Variants in FMN1 observed in about 807,000 individuals in gnomAD.
FMN1 encodes the protein formin-1.
FMN1 carries 110 observed loss-of-function variants against 132.4 expected under a neutral mutation model. That is an observed-to-expected ratio of 0.83 (90% confidence interval 0.71 to 0.97). The LOEUF (loss-of-function observed/expected upper bound fraction) is 0.97. Among genes scored for constraint, FMN1 ranks in the 50% least tolerant of loss-of-function variants. FMN1 has a pLI of 0.00. For missense variants in FMN1, 1,792 were observed against 1,705.3 expected, an observed-to-expected ratio of 1.05 and a Z score of -0.90; for synonymous variants, 722 against 651.7, an observed-to-expected ratio of 1.11 and a Z score of -1.64.
chr15:32,798,684 A>G, intron 19 of FMN1, 120 bp downstream of exon 19: 1 of 950,602 alleles, frequency 1.1e-6, no homozygotes, highest in South Asian at 1.9e-5. Context: ...TCCTTCCCCT[A>G]TGACCACTTC....
At chr15:33,049,053 G>A (rs1022619953) in intron 6 of FMN1, among the ~76,000 whole-genome samples, 7 of 152,172 alleles carry the variant, frequency 4.6e-5, no homozygotes, top group African/African-American at 9.7e-5. Flanking sequence ...TAAAGCTAAA[G>A]GTTTCAACAA....
At chr15:32,799,501 G>A (rs1197710946) in intron 18 of FMN1, among the ~76,000 whole-genome samples, 1 of 152,202 alleles carries the variant, frequency 6.6e-6, no homozygotes, top group African/African-American at 2.4e-5. Context: ...AATAAGAGAT[G>A]TAGATGATAT....
chr15:33,001,274 ACTCC>A (rs2034087800), intron 7 of FMN1, among the ~76,000 whole-genome samples: 1 of 151,646 alleles, frequency 6.6e-6, no homozygotes, highest in Non-Finnish European at 1.5e-5. Flanking sequence ...CAAGAGTAAG[ACTCC>A]GTCTCAAAAA....
At chr15:33,147,181 A>G (rs1964259578) in intron 4 of FMN1, among the ~76,000 whole-genome samples, 1 of 151,810 alleles carries the variant, frequency 6.6e-6, no homozygotes, top group Admixed American at 6.6e-5. Context: ...AAAAAAAAAA[A>G]AGAAATAAAA....
At chr15:33,082,230 G>C (rs909519387) in intron 5 of FMN1, among the ~76,000 whole-genome samples, 1 of 151,790 alleles carries the variant, frequency 6.6e-6, no homozygotes, top group Admixed American at 6.6e-5. Context: ...CCACCGCCAC[G>C]GTCGGCTAAT....
At chr15:32,932,022 T>C (rs185553120) in intron 9 of FMN1, among the ~76,000 whole-genome samples, 1 of 152,376 alleles carries the variant, frequency 6.6e-6, no homozygotes. Context: ...TATTGATAAA[T>C]ATTCATATGT....
chr15:33,066,655 G>C (rs1387065187), intron 5 of FMN1: 1 of 1,613,822 alleles, frequency 6.2e-7, no homozygotes, highest in South Asian at 1.1e-5. Flanking sequence ...TGGGGGGCCG[G>C]ATGAATAGGG....
chr15:33,110,196 A>T (rs1229131907), intron 4 of FMN1, among the ~76,000 whole-genome samples: 1 of 152,092 alleles, frequency 6.6e-6, no homozygotes, highest in East Asian at 1.9e-4. Context: ...TACCTGTCAG[A>T]TTATTAGGAC....
At chr15:32,812,802 C>T (rs2057927918) in intron 17 of FMN1, among the ~76,000 whole-genome samples, 1 of 152,172 alleles carries the variant, frequency 6.6e-6, no homozygotes, top group South Asian at 2.1e-4. Context: ...GTGCTGTTTG[C>T]ATACAATAGA....
At chr15:33,190,838 C>T (rs1275346487) in intron 2 of FMN1, among the ~76,000 whole-genome samples, 1 of 152,148 alleles carries the variant, frequency 6.6e-6, no homozygotes, top group East Asian at 1.9e-4. Flanking sequence ...GCTACTTCTC[C>T]ATTAATGCCC....
At chr15:32,943,709 G>A (rs2061445481) in intron 9 of FMN1, among the ~76,000 whole-genome samples, 1 of 152,158 alleles carries the variant, frequency 6.6e-6, no homozygotes, top group South Asian at 2.1e-4. Flanking sequence ...TTATAAATTA[G>A]TATAGGGTCT....
chr15:32,876,103 C>T (rs2059630408), intron 16 of FMN1, among the ~76,000 whole-genome samples: 1 of 152,162 alleles, frequency 6.6e-6, no homozygotes, highest in African/African-American at 2.4e-5. Flanking sequence ...TGTTAATGAA[C>T]TTGCCAAATT....
At chr15:32,923,042 C>T (rs1040432585) in intron 10 of FMN1, among the ~76,000 whole-genome samples, 3 of 152,120 alleles carry the variant, frequency 2.0e-5, no homozygotes, top group African/African-American at 7.2e-5. Context: ...TACTGGCTTG[C>T]TGGTTTATAC....
intron 11 of FMN1, among the ~76,000 whole-genome samples, 179 bp from the exon 12 acceptor site, chr15:32,908,757 G>C (rs8026935): frequency 1.1e-3 from 165 of 152,160 alleles, no homozygotes; most frequent in African/African-American, 3.6e-3. Flanking sequence ...ACAAGAACTT[G>C]GGGTGTGGGT....
chr15:32,950,268 G>A (rs139985398), intron 9 of FMN1, among the ~76,000 whole-genome samples: 1 of 151,260 alleles, frequency 6.6e-6, no homozygotes. Flanking sequence ...TATTGTGAAA[G>A]ACAATGTGGC....
At chr15:32,828,464 C>T (rs758163719) in intron 17 of FMN1, among the ~76,000 whole-genome samples, 1 of 151,352 alleles carries the variant, frequency 6.6e-6, no homozygotes, top group Non-Finnish European at 1.5e-5. Context: ...ATTAATGGAG[C>T]TAATTGAAAT....
intron 17 of FMN1, among the ~76,000 whole-genome samples, chr15:32,842,171 G>C (rs1291824062): frequency 1.3e-5 from 2 of 152,150 alleles, no homozygotes; most frequent in African/African-American, 4.8e-5. Flanking sequence ...TCTTTTCCTT[G>C]GAACATTTGC....
At chr15:32,795,925 T>G (rs1281126806) in intron 19 of FMN1, among the ~76,000 whole-genome samples, 1 of 152,222 alleles carries the variant, frequency 6.6e-6, no homozygotes, top group East Asian at 1.9e-4. Flanking sequence ...AATCTCCAGG[T>G]AAACCATATT....
At chr15:32,817,418 T>C (rs966698901) in intron 17 of FMN1, among the ~76,000 whole-genome samples, 1 of 152,186 alleles carries the variant, frequency 6.6e-6, no homozygotes, top group African/African-American at 2.4e-5. Context: ...TTTCACTTGG[T>C]CAAGGGTTTG....
Sources: allele counts gnomAD v4.1 joint callset (sites outside exome capture counted in the v4.1 genomes callset), GRCh38; gene constraint gnomAD v4.1.1; transcripts MANE v1.5; gene names NCBI Gene and HGNC (gene_info 2026-07-23, HGNC 2026-07-21).